The following PCDHGB6 variants were observed in gnomAD, a reference collection of about 807,000 sequenced individuals.
The protein encoded by PCDHGB6 is protocadherin gamma subfamily B, 6, also known as protocadherin gamma-B6.
A neutral mutation model predicts 59.1 loss-of-function variants in PCDHGB6; 51 were observed. The ratio of observed to expected loss-of-function variants is 0.86; its 90% CI spans 0.69 to 1.09. PCDHGB6 has a LOEUF of 1.09. PCDHGB6 is among the 50% of genes least tolerant of loss of function. The pLI is 0.00. For synonymous variants in PCDHGB6, 466 were observed against 495.1 expected (o/e 0.94, Z 0.78); for missense variants, 1,148 against 1,205.1 (o/e 0.95, Z 0.70).
At position 141,416,083 on chromosome 5, in the gene PCDHGB6, A is replaced by T. The variant is rs183563665; in HGVS notation, c.2418+5463A>T. The T allele has an allele frequency of 1.6e-4, 27 of 167,232 alleles. 1 individual carries two copies. The East Asian group carries it at 3.9e-3, about 24-fold the overall frequency. The allele number at this position is 167,232 out of a possible 1,614,324, so 10.4% of individuals were successfully genotyped here. A position where few individuals can be genotyped will look rare whatever the true frequency, so the allele number is the denominator to read the frequency against. On this transcript the variant is annotated intron_variant, in intron 1 of 3. Transcript: ENST00000520790. Reference sequence around the variant, plus strand: ...AGAATACTCAATGCAGTTCTTCCCAAGGAGAAGGGCAATAGGCCTTTTTCA... The same window carrying T: ...AGAATACTCAATGCAGTTCTTCCCATGGAGAAGGGCAATAGGCCTTTTTCA...
rs11575965 is a variant in PCDHGB6 at position 141,430,679 on chromosome 5, T to C, written c.2418+20059T>C. 6,478 of 1,333,262 alleles carry C rather than the reference T, an allele frequency of 4.9e-3. 34 individuals carry two copies. Among genetic ancestry groups the C allele is most frequent in the Admixed American group, 9.3e-3 (354 of 37,978 alleles). 82.6% of individuals were successfully genotyped at this position (1,333,262 alleles called of 1,614,324 possible). ...CGGAGGAGCTCTGACTTCCCAACTG[T>C]CCCATTCTATGGGCGAAGGAACTGC... On this transcript the variant is annotated intron_variant, in intron 1 of 3. Coordinates refer to ENST00000520790, the MANE Select transcript of PCDHGB6 (RefSeq NM_018926.3).
intron 1 of PCDHGB6, chr5:141,428,358 G>C: frequency 1.8e-6 from 1 of 565,492 alleles, no homozygotes; most frequent in South Asian, 1.9e-5. Context: ...TGATTTTGGC[G>C]GTCGCCTTGC....
At chr5:141,425,321 G>A (rs1020940689) in intron 1 of PCDHGB6, among the ~76,000 whole-genome samples, 2 of 152,182 alleles carry the variant, frequency 1.3e-5, no homozygotes, top group South Asian at 2.1e-4. Flanking sequence ...CAAGATCGTG[G>A]AGAACAAAAA....
At chr5:141,484,392 T>G (rs1454201773) in intron 1 of PCDHGB6, among the ~76,000 whole-genome samples, 1 of 152,162 alleles carries the variant, frequency 6.6e-6, no homozygotes, top group African/African-American at 2.4e-5. Flanking sequence ...TAAGAAAGGT[T>G]TGGTTTCCGC....
chr5:141,458,540 TTTTG>T (rs754668779), intron 1 of PCDHGB6, among the ~76,000 whole-genome samples: 43 of 150,468 alleles, frequency 2.9e-4, no homozygotes, highest in East Asian at 1.7e-3. Context: ...ATCAACTTTA[TTTTG>T]TTTGTTTGTT....
chr5:141,418,781 G>C, intron 1 of PCDHGB6: 1 of 1,613,716 alleles, frequency 6.2e-7, no homozygotes, highest in African/African-American at 1.3e-5. Context: ...GCAGCCTTTG[G>C]ATTTTGAAGA....
chr5:141,503,400 A>C (rs2099819725), intron 2 of PCDHGB6, among the ~76,000 whole-genome samples: 1 of 151,750 alleles, frequency 6.6e-6, no homozygotes, highest in Non-Finnish European at 1.5e-5. Context: ...TTCGAAACCA[A>C]CCTGGCCAAT....
chr5:141,485,134 C>T lies in PCDHGB6; in HGVS notation c.2419-9673C>T. The T allele has an allele frequency of 6.7e-7, 1 of 1,495,958 alleles. No homozygotes were observed. The highest frequency in any genetic ancestry group is 1.4e-5 in the African/African-American group (1 of 72,714). 92.7% of individuals were successfully genotyped at this position (1,495,958 alleles called of 1,614,324 possible). On this transcript the variant is annotated intron_variant, in intron 1 of 3. Transcript: ENST00000520790. The surrounding 1 kb of genome is among the most constrained non-coding windows in gnomAD (Gnocchi z 5.7). Reference sequence around the variant, plus strand: ...CTGTTTGGGGCGGGTCGGCTTCATCCGCGTCTCAGGAGCAAGTAGAGAATT... The same window carrying T: ...CTGTTTGGGGCGGGTCGGCTTCATCTGCGTCTCAGGAGCAAGTAGAGAATT...
At chr5:141,437,654 A>C (rs185455660) in intron 1 of PCDHGB6, among the ~76,000 whole-genome samples, 1 of 152,256 alleles carries the variant, frequency 6.6e-6, no homozygotes, top group African/African-American at 2.4e-5. Context: ...GCAAACACAT[A>C]GTTTCGAAGA....
intron 1 of PCDHGB6, chr5:141,423,316 G>C (rs1424301976): frequency 1.2e-6 from 2 of 1,614,044 alleles, no homozygotes; most frequent in Non-Finnish European, 1.7e-6. Context: ...CTTGGTGGTG[G>C]CGGTGGCCGC....
rs749781059 is a variant in PCDHGB6 at position 141,477,983 on chromosome 5, C to G, written c.2419-16824C>G. On this transcript the variant is annotated intron_variant, in intron 1 of 3. Coordinates refer to ENST00000520790, the MANE Select transcript of PCDHGB6 (RefSeq NM_018926.3). This position sits in a 1 kb window ranked among gnomAD's most constrained non-coding sequence, Gnocchi z 4.9. ...TAACCAGAGCCTTTTTGCCATAGGG[C>G]TGCACACTGGTCAAATCAGTACTGC... The G allele has an allele frequency of 1.7e-5, 27 of 1,614,126 alleles. No homozygotes were observed. The highest frequency in any genetic ancestry group is 2.3e-5 in the Non-Finnish European group (27 of 1,180,024).
chr5:141,448,621 T>C (rs2098597629), intron 1 of PCDHGB6, among the ~76,000 whole-genome samples: 1 of 152,168 alleles, frequency 6.6e-6, no homozygotes, highest in Admixed American at 6.5e-5. Flanking sequence ...TATATCTTCC[T>C]TTCTTCACAT....
chr5:141,429,377 GTT>G (rs566693637), intron 1 of PCDHGB6, among the ~76,000 whole-genome samples: 7 of 149,436 alleles, frequency 4.7e-5, no homozygotes, highest in African/African-American at 1.7e-4. Flanking sequence ...GAGAAAATGT[GTT>G]TTTTTTTTAA....
At chr5:141,418,572 A>G (rs777784393) in intron 1 of PCDHGB6, 5 of 1,613,794 alleles carry the variant, frequency 3.1e-6, no homozygotes, top group Non-Finnish European at 4.2e-6. Flanking sequence ...GCCAATGACA[A>G]CCCCCCAGTG....
chr5:141,487,356 C>T lies in PCDHGB6; in HGVS notation c.2419-7451C>T. 6.2e-7 allele frequency: 1 copy of T among 1,614,220 alleles called. No individual in the cohort carries two copies. The highest frequency in any genetic ancestry group is 8.5e-7 in the Non-Finnish European group (1 of 1,180,042). ...GCCTGTGGAGTCACATGCTTTCCTG[C>T]TGGCACCTGTGCCTGTCTCACCAGA... On this transcript the variant is annotated intron_variant, in intron 1 of 3. Transcript: ENST00000520790. This position sits in a 1 kb window ranked among gnomAD's most constrained non-coding sequence, Gnocchi z 5.0.
intron 2 of PCDHGB6, among the ~76,000 whole-genome samples, chr5:141,495,702 T>G (rs1462896403): frequency 6.6e-6 from 1 of 152,212 alleles, no homozygotes; most frequent in African/African-American, 2.4e-5. Context: ...TCAATAAATG[T>G]GGAGTGAGTA....
intron 3 of PCDHGB6, among the ~76,000 whole-genome samples, chr5:141,510,054 G>A (rs1166696269): frequency 1.3e-5 from 2 of 152,180 alleles, no homozygotes; most frequent in Non-Finnish European, 2.9e-5. Context: ...AAAAGTGATT[G>A]TGCATGTGAA....
chr5:141,442,779 A>G (rs1453800627), intron 1 of PCDHGB6, among the ~76,000 whole-genome samples: 1 of 152,160 alleles, frequency 6.6e-6, no homozygotes, highest in Non-Finnish European at 1.5e-5. Context: ...GTTTGATTAT[A>G]TTTTATAATT....
intron 1 of PCDHGB6, among the ~76,000 whole-genome samples, chr5:141,447,644 G>A (rs1212910845): frequency 1.3e-5 from 2 of 152,146 alleles, no homozygotes; most frequent in Admixed American, 1.3e-4. Context: ...AATGATGGTA[G>A]AATTTTCCCC....
Sources: allele counts gnomAD v4.1 joint callset (sites outside exome capture counted in the v4.1 genomes callset), GRCh38; gene constraint gnomAD v4.1.1; non-coding constraint Gnocchi (gnomAD v3.1); transcripts MANE v1.5; gene names NCBI Gene and HGNC (gene_info 2026-07-23, HGNC 2026-07-21).